PCDHA2: variants seen among roughly 807,000 people sequenced by gnomAD.
The protein encoded by PCDHA2 is protocadherin alpha-2.
PCDHA2 carries 58 observed loss-of-function variants against 66.0 expected under a neutral mutation model. The ratio of observed to expected loss-of-function variants is 0.88; its 90% CI spans 0.71 to 1.09. The LOEUF is 1.09. PCDHA2 is among the 50% of genes least tolerant of loss of function. The probability of loss-of-function intolerance (pLI) is 0.00; values close to 1 mark genes in which losing one functional copy is unlikely to be tolerated. For synonymous variants in PCDHA2, 634 were observed against 554.0 expected (o/e 1.14, Z -2.03); for missense variants, 1,267 against 1,242.3 (o/e 1.02, Z -0.30).
chr5:140,984,692 C>T (rs1252057323), intron 3 of PCDHA2, among the ~76,000 whole-genome samples: 2 of 152,130 alleles, frequency 1.3e-5, no homozygotes, highest in Non-Finnish European at 2.9e-5. Context: ...ATATGTTCTG[C>T]ACTGCTTGGA....
At chr5:140,961,561 T>C (rs1554225472) in intron 1 of PCDHA2, among the ~76,000 whole-genome samples, 1 of 152,170 alleles carries the variant, frequency 6.6e-6, no homozygotes, top group African/African-American at 2.4e-5. Flanking sequence ...TTTTTTTAAA[T>C]TTTGTTTTGA....
chr5:140,925,585 A>T (rs1450626568), intron 1 of PCDHA2, among the ~76,000 whole-genome samples: 1 of 151,748 alleles, frequency 6.6e-6, no homozygotes, highest in Non-Finnish European at 1.5e-5. Flanking sequence ...AACATGGCGC[A>T]TGTATACATA....
intron 1 of PCDHA2, among the ~76,000 whole-genome samples, chr5:140,975,697 AT>A (rs1375810410): frequency 1.3e-5 from 2 of 152,182 alleles, no homozygotes; most frequent in African/African-American, 4.8e-5. Flanking sequence ...TTTTAAACTT[AT>A]TTTACTTTAA....
chr5:141,003,086 G>T (rs782184121), intron 3 of PCDHA2, among the ~76,000 whole-genome samples: 7 of 152,194 alleles, frequency 4.6e-5, no homozygotes, highest in Non-Finnish European at 1.0e-4. Flanking sequence ...GAGTTTAACA[G>T]GCCTGGCATT....
rs782026939 is a variant in PCDHA2, at chr5:140,883,016, A to T, written c.2388+85664A>T. 6.8e-6 allele frequency: 11 copies of T among 1,614,158 alleles called. No individual in the cohort carries two copies. The Admixed American group carries it at 1.7e-4, about 24-fold the overall frequency. On this transcript the variant is annotated intron_variant, in intron 1 of 3. Coordinates refer to ENST00000526136, the MANE Select transcript of PCDHA2 (RefSeq NM_018905.3). ...ATTTTACCAATCCGTTTATAAAGTG[A>T]CGGTGTTAGAGAACGCCTTCAATGG...
intron 1 of PCDHA2, chr5:140,967,928 A>T (rs1438894870): frequency 3.1e-6 from 5 of 1,614,082 alleles, no homozygotes; most frequent in Non-Finnish European, 3.4e-6. Flanking sequence ...GGCCGTTCTC[A>T]GTGTCAATGA....
Position 140,938,107 on chromosome 5 carries a change from T to C in PCDHA2, c.2389-40842T>C, listed in dbSNP as rs73266057. On this transcript the variant is annotated intron_variant, in intron 1 of 3. Coordinates refer to ENST00000526136, the MANE Select transcript of PCDHA2 (RefSeq NM_018905.3). ...TAGTTTTATTATTGTATTTTTTACT[T>C]TCTCTCTTTTTTTAAAAAAATAGAG... is the stretch of plus-strand genomic sequence containing the variant. 3.3e-3 allele frequency among the ~76,000 whole-genome samples: 502 copies of C among 152,318 alleles called. 3 individuals carry two copies. Among genetic ancestry groups the C allele is most frequent in the African/African-American group, 0.012 (483 of 41,576 alleles).
At chr5:140,845,856 G>A (rs1378548542) in intron 1 of PCDHA2, among the ~76,000 whole-genome samples, 1 of 149,684 alleles carries the variant, frequency 6.7e-6, no homozygotes, top group Non-Finnish European at 1.5e-5. Flanking sequence ...AGAAGTTAGT[G>A]ATTGCAGAAA....
At chr5:140,815,002 C>T (rs1554126657) in intron 1 of PCDHA2, 1 of 152,080 alleles carries the variant, frequency 6.6e-6, no homozygotes, top group African/African-American at 2.4e-5. Context: ...GTAGCTGTTT[C>T]CACATTTGCA....
intron 1 of PCDHA2, among the ~76,000 whole-genome samples, chr5:140,905,536 T>A (rs1562950103): frequency 6.6e-6 from 1 of 152,286 alleles, no homozygotes; most frequent in East Asian, 1.9e-4. Flanking sequence ...TGGTTCCATA[T>A]GAACTTTAGG....
At chr5:140,924,903 AAATAAAAT>A (rs1318660055) in intron 1 of PCDHA2, among the ~76,000 whole-genome samples, 2 of 54,856 alleles carry the variant, frequency 3.6e-5, no homozygotes, top group African/African-American at 8.4e-5. Context: ...TCAAAAAAAA[AAATAAAAT>A]AAAATAAAAT....
intron 1 of PCDHA2, among the ~76,000 whole-genome samples, chr5:140,924,578 T>C (rs80037494): frequency 0.013 from 2,025 of 152,202 alleles, 55 homozygotes; most frequent in Admixed American, 0.052. Flanking sequence ...TTAAATGTTT[T>C]CAAATATTAT....
chr5:140,923,139 A>G (rs1213586565), intron 1 of PCDHA2, among the ~76,000 whole-genome samples: 3 of 152,188 alleles, frequency 2.0e-5, no homozygotes, highest in Non-Finnish European at 2.9e-5. Context: ...TGAAGGTGGA[A>G]TATAAAAAAA....
intron 1 of PCDHA2, chr5:140,877,875 C>T (rs2057379478): frequency 6.8e-7 from 1 of 1,475,090 alleles, no homozygotes; most frequent in Non-Finnish European, 9.0e-7. Context: ...TATTTGTTTC[C>T]TTGAAGAACT....
At chr5:140,990,627 A>G (rs782672988) in intron 3 of PCDHA2, among the ~76,000 whole-genome samples, 16 of 152,198 alleles carry the variant, frequency 1.1e-4, no homozygotes, top group Non-Finnish European at 1.5e-4. Flanking sequence ...GTCTGTGGTA[A>G]GACTAGAAGC....
In PCDHA2 at chr5:140,796,251, C is replaced by A. The variant is rs1762055119; in HGVS notation, c.1287C>A (p.Asp429Glu). The part of the protein sequence containing the change: ...SAYELVVTAR[D>E]GGSPSLWATT... ...ATGAGCTGGTGGTGACCGCACGGGA[C>A]GGGGGCTCGCCTTCACTGTGGGCCA... Residue 429 changes from aspartate to glutamate, a missense_variant, in exon 1 of 4, where the codon GAC becomes GAA. Transcript: ENST00000526136. The A allele has an allele frequency of 6.2e-7, 1 of 1,614,012 alleles. No homozygotes were observed. Among genetic ancestry groups the A allele is most frequent in the Non-Finnish European group, 8.5e-7 (1 of 1,180,052 alleles).
chr5:140,962,080 T>A (rs1226617177), intron 1 of PCDHA2, among the ~76,000 whole-genome samples: 1 of 151,756 alleles, frequency 6.6e-6, no homozygotes, highest in Non-Finnish European at 1.5e-5. Context: ...AGAGACGGGG[T>A]TTCACCATGT....
intron 3 of PCDHA2, among the ~76,000 whole-genome samples, chr5:141,008,870 C>G (rs539100133): frequency 1.4e-4 from 22 of 152,126 alleles, no homozygotes; most frequent in Non-Finnish European, 7.3e-5. Flanking sequence ...ATGCTGCATC[C>G]CACCACCCTT....
intron 1 of PCDHA2, among the ~76,000 whole-genome samples, chr5:140,855,644 T>G (rs1324111294): frequency 6.7e-6 from 1 of 149,848 alleles, no homozygotes; most frequent in Non-Finnish European, 1.5e-5. Context: ...TTGATAATCA[T>G]GTGGTTAGGG....
Sources: allele counts gnomAD v4.1 joint callset (sites outside exome capture counted in the v4.1 genomes callset), GRCh38; gene constraint gnomAD v4.1.1; transcripts MANE v1.5; gene names NCBI Gene and HGNC (gene_info 2026-07-23, HGNC 2026-07-21).